PTPRM: variants seen among roughly 807,000 people sequenced by gnomAD.
The protein encoded by PTPRM is protein tyrosine phosphatase receptor type M, also known as receptor-type tyrosine-protein phosphatase mu.
Under a neutral mutation model 186.7 loss-of-function variants are expected in PTPRM, and 47 were observed. The observed-to-expected ratio is 0.25, with a 90% CI of 0.20 to 0.32. The LOEUF (loss-of-function observed/expected upper bound fraction) is 0.32. Ranked by LOEUF, PTPRM falls within the 10% of genes least tolerant of loss-of-function variation. PTPRM has a pLI of 1.00. For missense variants in PTPRM, 1,494 were observed against 1,865.0 expected, an observed-to-expected ratio of 0.80 and a Z score of 3.66; for synonymous variants, 668 against 674.9, an observed-to-expected ratio of 0.99 and a Z score of 0.16.
At position 7,774,140 on chromosome 18, in the gene PTPRM, A is replaced by C; in HGVS notation, c.74-9A>C. 6.2e-7 allele frequency: 1 copy of C among 1,602,798 alleles called. No individual in the cohort carries two copies. Reference sequence around the variant, plus strand: ...TATTTACATTACTTTTTATTCTTTTACATTTTAGGTGGCTGCCTCTTTGAT... The same window carrying C: ...TATTTACATTACTTTTTATTCTTTTCCATTTTAGGTGGCTGCCTCTTTGAT... On this transcript the variant is annotated splice_polypyrimidine_tract_variant and intron_variant, in intron 1 of 32. Transcript: ENST00000580170.
In PTPRM at chr18:7,900,465, G is replaced by T. The variant is rs180967229; in HGVS notation, c.469-6040G>T. On this transcript the variant is annotated intron_variant, in intron 3 of 32. Transcript: ENST00000580170. ...AACTTGATGCTGTCAAAACTATGCC[G>T]TATCAGTCTTCCCAATTGCTATATT... 3.3e-3 allele frequency among the ~76,000 whole-genome samples: 502 copies of T among 152,214 alleles called. 1 individual carries two copies. Among genetic ancestry groups the T allele is most frequent in the Middle Eastern group, 6.8e-3 (2 of 294 alleles).
intron 14 of PTPRM, among the ~76,000 whole-genome samples, chr18:8,214,838 T>A (rs1227753498): frequency 6.6e-6 from 1 of 152,144 alleles, no homozygotes; most frequent in East Asian, 1.9e-4. Flanking sequence ...AATCTTTGTA[T>A]TTTTAGTAGA....
chr18:8,294,803 G>T (rs1374669718), intron 19 of PTPRM, among the ~76,000 whole-genome samples: 1 of 152,164 alleles, frequency 6.6e-6, no homozygotes, highest in Non-Finnish European at 1.5e-5. Context: ...GGTTTGTAGT[G>T]TTATTTTTTT....
chr18:8,387,087 C>T lies in PTPRM; in HGVS notation c.4060C>T (p.Arg1354Trp), dbSNP rs746302735. 3.3e-5 allele frequency: 53 copies of T among 1,607,892 alleles called. No homozygotes were observed. In the Middle Eastern group the frequency reaches 4.9e-4, roughly 15 times the overall value. Residue 1354 changes from arginine to tryptophan, a missense_variant, in exon 31 of 33, where the codon CGG becomes TGG. Physicochemically the swap from Arg to Trp is moderately radical, Grantham distance 101 (BLOSUM62 -3). Around this residue, in one of 3 missense-constraint regions of PTPRM, gnomAD observed 1,107 missense variants for 1,350.2 expected, o/e 0.82. Coordinates refer to ENST00000580170, the MANE Select transcript of PTPRM (RefSeq NM_001105244.2). ...YNAARPQDGY[R>W]MVQQFQFLGW... ...TTCTTCGTAGCCCCAAGATGGATAT[C>T]GGATGGTGCAGCAATTCCAGTTCCT...
At chr18:7,873,491 T>C (rs2146205553) in intron 2 of PTPRM, among the ~76,000 whole-genome samples, 1 of 152,312 alleles carries the variant, frequency 6.6e-6, no homozygotes, top group African/African-American at 2.4e-5. Context: ...ACAATACTTC[T>C]CTCAATGGTT....
rs114141071 is a variant in PTPRM at position 7,890,739 on chromosome 18, A to G, written c.468+2362A>G. ...CTGGGATATTCATAGCAGCTTATTT[A>G]TAGTAAAGAAAAATCAGAAACAGTA... On this transcript the variant is annotated intron_variant, in intron 3 of 32. Transcript: ENST00000580170. Among the ~76,000 whole-genome samples the G allele has an allele frequency of 7.7e-3, 1,177 of 152,304 alleles. 15 individuals are homozygous for G. Among genetic ancestry groups the G allele is most frequent in the African/African-American group, 0.027 (1,114 of 41,558 alleles).
At chr18:8,288,130 C>G (rs1020978072) in intron 19 of PTPRM, among the ~76,000 whole-genome samples, 2 of 152,230 alleles carry the variant, frequency 1.3e-5, no homozygotes, top group Admixed American at 6.5e-5. Flanking sequence ...TCCAGCTTCT[C>G]CAGGACACCA....
At chr18:7,651,020 C>G (rs1049581199) in intron 1 of PTPRM, among the ~76,000 whole-genome samples, 44 of 151,342 alleles carry the variant, frequency 2.9e-4, no homozygotes, top group African/African-American at 1.0e-3. Flanking sequence ...CAAACTCTGC[C>G]TCTCAGGTTC....
chr18:7,835,709 T>G (rs1299363719), intron 2 of PTPRM, among the ~76,000 whole-genome samples: 2 of 150,860 alleles, frequency 1.3e-5, no homozygotes, highest in African/African-American at 5.0e-5. Flanking sequence ...TCTATCTCTC[T>G]TTAGCGCTAA....
At chr18:8,038,740 G>A (rs2086506114) in intron 7 of PTPRM, among the ~76,000 whole-genome samples, 1 of 152,062 alleles carries the variant, frequency 6.6e-6, no homozygotes, top group African/African-American at 2.4e-5. Context: ...GCATCTTATA[G>A]TCACAGTGTT....
At position 7,567,529 on chromosome 18, in the gene PTPRM, A is replaced by C; in HGVS notation, c.-290A>C. On this transcript the variant is annotated 5_prime_UTR_variant, in exon 1 of 33. Coordinates refer to ENST00000580170, the MANE Select transcript of PTPRM (RefSeq NM_001105244.2). This position sits in a 1 kb window ranked among gnomAD's most constrained non-coding sequence, Gnocchi z 4.3. ...AGAGGCGGCGAGCTCAGCAACCGGAACCGAGGGAAGATTTTGGCTCCGCGG... is the reference window on the plus strand; with the variant it reads ...AGAGGCGGCGAGCTCAGCAACCGGACCCGAGGGAAGATTTTGGCTCCGCGG... 1 of 316,346 alleles carries C rather than the reference A, an allele frequency of 3.2e-6. No homozygotes were observed. Among genetic ancestry groups the C allele is most frequent in the Non-Finnish European group, 5.7e-6 (1 of 175,336 alleles). 19.6% of individuals were successfully genotyped at this position (316,346 alleles called of 1,614,324 possible).
At chr18:7,651,727 G>A (rs1324473260) in intron 1 of PTPRM, among the ~76,000 whole-genome samples, 6 of 151,264 alleles carry the variant, frequency 4.0e-5, no homozygotes, top group East Asian at 1.9e-4. Flanking sequence ...GGATCCCTTC[G>A]TTACACCTTA....
chr18:8,363,763 T>A (rs1195520656), intron 23 of PTPRM, among the ~76,000 whole-genome samples: 2 of 152,072 alleles, frequency 1.3e-5, no homozygotes, highest in Non-Finnish European at 2.9e-5. Context: ...TCTGATTAAG[T>A]TTTCATCAAG....
chr18:8,300,976 T>C (rs529206286), intron 20 of PTPRM, among the ~76,000 whole-genome samples: 8 of 152,282 alleles, frequency 5.3e-5, no homozygotes, highest in African/African-American at 1.9e-4. Context: ...GCTGTTTCTT[T>C]ATGGGCATAG....
chr18:8,260,795 A>C (rs2094622373), intron 19 of PTPRM, among the ~76,000 whole-genome samples: 1 of 152,150 alleles, frequency 6.6e-6, no homozygotes, highest in Non-Finnish European at 1.5e-5. Flanking sequence ...ACTGGGGAGG[A>C]CAGCCCCTGG....
chr18:7,599,809 C>T (rs1423014250), intron 1 of PTPRM, among the ~76,000 whole-genome samples: 1 of 152,204 alleles, frequency 6.6e-6, no homozygotes, highest in Non-Finnish European at 1.5e-5. Flanking sequence ...GTGGCACCCT[C>T]CCGAGCTGGG....
chr18:7,803,011 G>A (rs1205143916), intron 2 of PTPRM, among the ~76,000 whole-genome samples: 1 of 152,118 alleles, frequency 6.6e-6, no homozygotes, highest in Non-Finnish European at 1.5e-5. Context: ...AACATGGGTG[G>A]TCATACAATG....
At chr18:8,175,569 T>A (rs887230457) in intron 14 of PTPRM, among the ~76,000 whole-genome samples, 2 of 152,232 alleles carry the variant, frequency 1.3e-5, no homozygotes, top group Non-Finnish European at 1.5e-5. Flanking sequence ...ACTTTCAGCA[T>A]TTAAATGGGA....
At chr18:8,323,947 A>G (rs55942216) in intron 22 of PTPRM, among the ~76,000 whole-genome samples, 1,951 of 152,112 alleles carry the variant, frequency 0.013, 32 homozygotes, top group African/African-American at 0.043. Context: ...CCACCCCCCA[A>G]TTTTACTCAT....
Sources: gnomAD v4.1 joint callset for allele counts (sites outside exome capture counted in the v4.1 genomes callset) on GRCh38, gnomAD v4.1.1 for gene constraint, gnomAD v4.1.1 regional missense constraint, Gnocchi (gnomAD v3.1) non-coding constraint, MANE v1.5 for transcripts, NCBI Gene and HGNC (gene_info 2026-07-23, HGNC 2026-07-21) for gene names.